EYS: variants seen among roughly 807,000 people sequenced by gnomAD.
EYS encodes EGF-like photoreceptor maintenance factor.
EYS carries 250 observed loss-of-function variants against 282.1 expected under a neutral mutation model. That is an observed-to-expected ratio of 0.89 (90% CI 0.80 to 0.98). EYS has a LOEUF of 0.98. Among genes scored for constraint, EYS ranks in the 50% least tolerant of loss-of-function variants. The pLI is 0.00. For synonymous variants in EYS, 1,355 were observed against 1,282.9 expected, an observed-to-expected ratio of 1.06 and a Z score of -1.20; for missense variants, 4,016 against 3,709.0, an observed-to-expected ratio of 1.08 and a Z score of -2.15.
At chr6:65,017,776 G>A (rs1435009075) in intron 13 of EYS, among the ~76,000 whole-genome samples, 2 of 152,098 alleles carry the variant, frequency 1.3e-5, no homozygotes, top group African/African-American at 4.8e-5. Flanking sequence ...CTCTTCTATA[G>A]TTCTTTACAA....
chr6:64,383,007 C>T (rs997740790), intron 29 of EYS, among the ~76,000 whole-genome samples: 1 of 152,072 alleles, frequency 6.6e-6, no homozygotes, highest in Non-Finnish European at 1.5e-5. Flanking sequence ...GCAAGGCCTG[C>T]CTGGGCACGG....
chr6:65,621,287 G>T (rs182160241), intron 2 of EYS, among the ~76,000 whole-genome samples: 455 of 152,196 alleles, frequency 3.0e-3, no homozygotes, highest in Middle Eastern at 6.8e-3. Context: ...TTGTTGAATT[G>T]ATCCCTTTAC....
chr6:65,497,637 C>T (rs912844675), intron 2 of EYS, among the ~76,000 whole-genome samples: 8 of 151,890 alleles, frequency 5.3e-5, no homozygotes, highest in Non-Finnish European at 1.2e-4. Context: ...CAATGAAGAG[C>T]CTCTTGAAGA....
At chr6:64,125,965 CG>C (rs1218875597) in intron 31 of EYS, among the ~76,000 whole-genome samples, 6 of 150,954 alleles carry the variant, frequency 4.0e-5, no homozygotes, top group Non-Finnish European at 8.8e-5. Flanking sequence ...ACGTGCACAA[CG>C]TGCAGGTTTG....
At chr6:65,574,915 T>C (rs1590967) in intron 2 of EYS, among the ~76,000 whole-genome samples, 71,751 of 151,984 alleles carry the variant, frequency 0.47, 17,026 homozygotes, top group African/African-American at 0.53. Context: ...TCATATTAAA[T>C]ATATTTTTGA....
At position 65,506,460 on chromosome 6, in the gene EYS, C is replaced by CTTTTTTTTTTTTTTTTTTTT. The variant is rs58326040; in HGVS notation, c.-332-10487_-332-10468dup. 2.2e-4 allele frequency among the ~76,000 whole-genome samples: 14 copies of CTTTTTTTTTTTTTTTTTTTT among 64,892 alleles called. 1 individual carries two copies. The highest frequency in any genetic ancestry group is 2.8e-4 in the Non-Finnish European group (10 of 35,808). The allele number at this position is 64,892 out of a possible 152,430, so 42.6% of individuals were successfully genotyped here. A position where few individuals can be genotyped will look rare whatever the true frequency, so the allele number is the denominator to read the frequency against. On this transcript the variant is annotated intron_variant, in intron 2 of 42. Coordinates refer to ENST00000503581, the MANE Select transcript of EYS (RefSeq NM_001142800.2). ...GGTTTACAATATCCTTCCTTCCTTT[C>CTTTTTTTTTTTTTTTTTTTT]TTTTTTTTTTTTTTTTTTTTTTTTT... is the stretch of plus-strand genomic sequence containing the variant.
intron 2 of EYS, among the ~76,000 whole-genome samples, chr6:65,630,136 G>A (rs1322192825): frequency 2.0e-5 from 3 of 152,212 alleles, no homozygotes; most frequent in African/African-American, 7.2e-5. Context: ...CAGAATTGCT[G>A]TTGACCAATG....
chr6:65,333,899 T>G (rs1334333578), intron 11 of EYS, among the ~76,000 whole-genome samples: 1 of 150,578 alleles, frequency 6.6e-6, no homozygotes. Flanking sequence ...TTCTTCTTGA[T>G]GCAGTTTGAA....
chr6:64,419,997 C>T (rs113703283), intron 28 of EYS, among the ~76,000 whole-genome samples: 1 of 152,220 alleles, frequency 6.6e-6, no homozygotes. Flanking sequence ...AGAGGTTCTC[C>T]ATGAGGGCTC....
intron 5 of EYS, among the ~76,000 whole-genome samples, chr6:65,408,101 T>G (rs1766831045): frequency 6.6e-6 from 1 of 152,152 alleles, no homozygotes; most frequent in Admixed American, 6.6e-5. Context: ...TAATTGACTT[T>G]CAGATATCAA....
intron 2 of EYS, among the ~76,000 whole-genome samples, chr6:65,628,306 G>A (rs987989103): frequency 1.3e-5 from 2 of 152,128 alleles, no homozygotes; most frequent in African/African-American, 2.4e-5. Context: ...AATCTAATGG[G>A]GATGTGAAGA....
At chr6:64,986,478 A>G (rs1453389169) in intron 14 of EYS, among the ~76,000 whole-genome samples, 3 of 140,996 alleles carry the variant, frequency 2.1e-5, no homozygotes, top group Non-Finnish European at 4.6e-5. Context: ...TTTAAGATGT[A>G]TACTGTAAAG....
chr6:65,145,917 A>C (rs1188098115), intron 12 of EYS, among the ~76,000 whole-genome samples: 1 of 151,870 alleles, frequency 6.6e-6, no homozygotes, highest in Non-Finnish European at 1.5e-5. Flanking sequence ...AGGTTTAAAA[A>C]ACGTTTTTAC....
chr6:64,214,498 ATCTT>A (rs1330593121), intron 31 of EYS, among the ~76,000 whole-genome samples: 1 of 152,134 alleles, frequency 6.6e-6, no homozygotes, highest in African/African-American at 2.4e-5. Context: ...GTCATTTTCC[ATCTT>A]TCTTTTATAG....
At chr6:65,237,970 A>G (rs1381031242) in intron 12 of EYS, among the ~76,000 whole-genome samples, 1 of 152,080 alleles carries the variant, frequency 6.6e-6, no homozygotes, top group Non-Finnish European at 1.5e-5. Flanking sequence ...GTTTCAAATG[A>G]TCACAAAATG....
At chr6:65,165,607 T>A (rs1156907507) in intron 12 of EYS, among the ~76,000 whole-genome samples, 2 of 151,192 alleles carry the variant, frequency 1.3e-5, no homozygotes, top group African/African-American at 4.8e-5. Context: ...CTTGTGAGAT[T>A]TTATTTCCAA....
At chr6:64,715,033 T>A (rs1482528437) in intron 22 of EYS, among the ~76,000 whole-genome samples, 3 of 147,742 alleles carry the variant, frequency 2.0e-5, no homozygotes, top group Non-Finnish European at 4.5e-5. Context: ...AGTCCCCAGT[T>A]TTTTTTTTTT....
At chr6:63,873,009 A>AT (rs1212000291) in intron 35 of EYS, among the ~76,000 whole-genome samples, 1 of 148,962 alleles carries the variant, frequency 6.7e-6, no homozygotes. Context: ...TTTGTTTTTT[A>AT]TTTTTTTATT....
intron 31 of EYS, among the ~76,000 whole-genome samples, chr6:64,211,627 T>TAAATTTAGCAAAATTTAATTTTGCTA (rs1181968278): frequency 5.8e-4 from 86 of 148,660 alleles, no homozygotes; most frequent in East Asian, 1.9e-3. Context: ...ATATATGAAT[T>TAAATTTAGCAAAATTTAATTTTGCTA]AAATTTAGCA....
Sources: gnomAD v4.1 joint callset for allele counts (sites outside exome capture counted in the v4.1 genomes callset) on GRCh38, gnomAD v4.1.1 for gene constraint, MANE v1.5 for transcripts, NCBI Gene and HGNC (gene_info 2026-07-23, HGNC 2026-07-21) for gene names.